The following EBF2 variants were observed in gnomAD, a reference collection of about 807,000 sequenced individuals.
EBF2 encodes the protein transcription factor COE2.
Under a neutral mutation model 72.8 loss-of-function variants are expected in EBF2, and 21 were observed. The observed-to-expected ratio is 0.29, with a 90% CI of 0.20 to 0.42. The LOEUF is 0.42. EBF2 is among the 10% of genes least tolerant of loss of function. EBF2 has a pLI of 1.00. For missense variants in EBF2, 637 were observed against 731.2 expected, an observed-to-expected ratio of 0.87 and a Z score of 1.49; for synonymous variants, 299 against 274.2, an observed-to-expected ratio of 1.09 and a Z score of -0.89.
At chr8:25,922,329 T>C (rs1355194462) in intron 6 of EBF2, among the ~76,000 whole-genome samples, 1 of 152,220 alleles carries the variant, frequency 6.6e-6, no homozygotes, top group African/African-American at 2.4e-5. Context: ...TAAATCTGCA[T>C]AATTTCTAAA....
At chr8:26,013,666 A>G (rs1034815220) in intron 6 of EBF2, among the ~76,000 whole-genome samples, 1 of 151,796 alleles carries the variant, frequency 6.6e-6, no homozygotes, top group Non-Finnish European at 1.5e-5. Flanking sequence ...GATCCACACT[A>G]CTCTCAAATC....
At chr8:25,958,653 T>A (rs1369907036) in intron 6 of EBF2, among the ~76,000 whole-genome samples, 3 of 152,226 alleles carry the variant, frequency 2.0e-5, no homozygotes, top group African/African-American at 7.2e-5. Flanking sequence ...TCTAATTTTT[T>A]AAGGAAGGTT....
chr8:25,929,961 C>T (rs1026815262), intron 6 of EBF2, among the ~76,000 whole-genome samples: 1 of 152,100 alleles, frequency 6.6e-6, no homozygotes, highest in African/African-American at 2.4e-5. Flanking sequence ...GTGGCTGATG[C>T]GGGAGCCGAA....
chr8:26,040,582 C>T, intron 4 of EBF2, 34 bp downstream of exon 4: 3 of 1,547,734 alleles, frequency 1.9e-6, no homozygotes, highest in Admixed American at 2.0e-5. Context: ...GGGTCAGAGA[C>T]AGGCGAAGAG....
intron 6 of EBF2, among the ~76,000 whole-genome samples, chr8:25,993,741 A>G (rs1423507268): frequency 6.6e-6 from 1 of 152,128 alleles, no homozygotes; most frequent in East Asian, 1.9e-4. Flanking sequence ...AATGTAATAC[A>G]GTAATATTTT....
intron 7 of EBF2, 65 bp from the exon 8 acceptor site, chr8:25,889,934 A>C: frequency 1.5e-6 from 2 of 1,377,352 alleles, no homozygotes; most frequent in Non-Finnish European, 2.1e-6. Flanking sequence ...GAAGTAGCAA[A>C]TGCACCAAAA....
chr8:25,891,025 T>C (rs1385675045), intron 7 of EBF2, among the ~76,000 whole-genome samples: 1 of 152,194 alleles, frequency 6.6e-6, no homozygotes, highest in Non-Finnish European at 1.5e-5. Context: ...GGTTCTCCCA[T>C]GGTCTAAGCT....
intron 6 of EBF2, among the ~76,000 whole-genome samples, chr8:25,941,509 C>T (rs1327553424): frequency 6.6e-6 from 1 of 152,136 alleles, no homozygotes; most frequent in Non-Finnish European, 1.5e-5. Context: ...CCCAGCTGTG[C>T]TCTCCCTCCT....
At chr8:26,001,772 C>T (rs1804729956) in intron 6 of EBF2, among the ~76,000 whole-genome samples, 1 of 152,116 alleles carries the variant, frequency 6.6e-6, no homozygotes, top group Admixed American at 6.5e-5. Context: ...TGGTCTCGAA[C>T]TCCTGACCTC....
intron 14 of EBF2, among the ~76,000 whole-genome samples, chr8:25,853,378 CA>C (rs1179184772): frequency 6.6e-6 from 1 of 151,394 alleles, no homozygotes; most frequent in African/African-American, 2.4e-5. Flanking sequence ...GCAAAGGACA[CA>C]AAAAAAGAAA....
At chr8:25,912,499 A>ACACACACACACAC (rs1375819188) in intron 6 of EBF2, among the ~76,000 whole-genome samples, 23 of 72,772 alleles carry the variant, frequency 3.2e-4, no homozygotes, top group African/African-American at 6.8e-4. Flanking sequence ...CACACACACA[A>ACACACACACACAC]CAGGAAGAAT....
intron 15 of EBF2, among the ~76,000 whole-genome samples, chr8:25,846,754 T>C (rs1003314397): frequency 1.3e-5 from 2 of 152,170 alleles, no homozygotes; most frequent in Non-Finnish European, 2.9e-5. Flanking sequence ...GGGGCTCATG[T>C]AACAGCAGAG....
intron 6 of EBF2, among the ~76,000 whole-genome samples, chr8:25,969,772 A>G (rs1301443955): frequency 6.6e-6 from 1 of 152,142 alleles, no homozygotes; most frequent in East Asian, 1.9e-4. Context: ...TGGCGCGATC[A>G]CAGCTCACTG....
At chr8:25,901,088 T>C (rs1354410593) in intron 7 of EBF2, among the ~76,000 whole-genome samples, 3 of 152,140 alleles carry the variant, frequency 2.0e-5, no homozygotes, top group Admixed American at 6.5e-5. Flanking sequence ...AAATATTGCA[T>C]GTACCCCATA....
intron 6 of EBF2, among the ~76,000 whole-genome samples, chr8:26,001,670 T>C (rs910867940): frequency 1.3e-5 from 2 of 152,260 alleles, no homozygotes; most frequent in South Asian, 2.1e-4. Context: ...TGCCTCAGCC[T>C]CCTGAGTAGC....
At chr8:25,866,967 A>G in intron 10 of EBF2, among the ~76,000 whole-genome samples, 1 of 152,298 alleles carries the variant, frequency 6.6e-6, no homozygotes, top group Non-Finnish European at 1.5e-5. Context: ...AAAATTAAAC[A>G]TTAATTCATG....
rs34634008 is a variant in EBF2, at chr8:25,883,415, CTT to C, written c.1009+3338_1009+3339del. ...TTGTAATGTAACTGTAGCCATCTCC[CTT>C]TTTTTTTTTTTTAACTTCTGTCATC... On this transcript the variant is annotated intron_variant, in intron 10 of 15. Transcript: ENST00000520164. Among the ~76,000 whole-genome samples the C allele has an allele frequency of 3.1e-3, 454 of 146,140 alleles. 1 individual carries two copies. The highest frequency in any genetic ancestry group is 5.3e-3 in the African/African-American group (209 of 39,696).
intron 7 of EBF2, among the ~76,000 whole-genome samples, chr8:25,892,454 G>C (rs190145542): frequency 2.6e-5 from 4 of 152,190 alleles, no homozygotes; most frequent in Admixed American, 2.6e-4. Flanking sequence ...AATCTTAGCT[G>C]TCCAATTTAC....
chr8:25,855,297 C>A (rs1412911807), intron 14 of EBF2, among the ~76,000 whole-genome samples: 1 of 152,094 alleles, frequency 6.6e-6, no homozygotes, highest in Non-Finnish European at 1.5e-5. Flanking sequence ...TCATTATAAT[C>A]CCCTATTGTC....
Sources: allele counts gnomAD v4.1 joint callset (sites outside exome capture counted in the v4.1 genomes callset), GRCh38; gene constraint gnomAD v4.1.1; transcripts MANE v1.5; gene names NCBI Gene and HGNC (gene_info 2026-07-23, HGNC 2026-07-21).